Variants in NKAIN3 observed in about 807,000 individuals in gnomAD.
NKAIN3 encodes the protein sodium/potassium transporting ATPase interacting 3.
A neutral mutation model predicts 30.2 loss-of-function variants in NKAIN3; 25 were observed. The ratio of observed to expected loss-of-function variants is 0.83; its 90% CI spans 0.60 to 1.16. The LOEUF is 1.16. Ranked by LOEUF, NKAIN3 falls within the 50% of genes most tolerant of loss-of-function variation. NKAIN3 has a pLI of 0.00. For missense variants in NKAIN3, 225 were observed against 254.1 expected (o/e 0.89, Z 0.78); for synonymous variants, 91 against 89.6 (o/e 1.02, Z -0.09).
intron 3 of NKAIN3, among the ~76,000 whole-genome samples, chr8:62,601,596 G>GA (rs145609323): frequency 0.014 from 2,180 of 152,048 alleles, 57 homozygotes; most frequent in African/African-American, 0.05. Context: ...TGAGCTAAAG[G>GA]AATATTTTTG....
chr8:62,414,264 G>A (rs1804358811), intron 1 of NKAIN3, among the ~76,000 whole-genome samples: 1 of 152,070 alleles, frequency 6.6e-6, no homozygotes, highest in South Asian at 2.1e-4. Flanking sequence ...TGTTATTTCT[G>A]TTTCAATGGG....
At chr8:62,881,458 C>T (rs1022048420) in intron 4 of NKAIN3, among the ~76,000 whole-genome samples, 1 of 152,156 alleles carries the variant, frequency 6.6e-6, no homozygotes, top group African/African-American at 2.4e-5. Flanking sequence ...TACTACTCAA[C>T]TCCAAGATTT....
intron 1 of NKAIN3, among the ~76,000 whole-genome samples, chr8:62,440,759 G>T (rs377274680): frequency 6.6e-6 from 1 of 151,102 alleles, no homozygotes; most frequent in East Asian, 1.9e-4. Flanking sequence ...GTCAATGAAA[G>T]ACCTTGGCAT....
At chr8:62,423,254 T>G (rs927670212) in intron 1 of NKAIN3, among the ~76,000 whole-genome samples, 46 of 152,028 alleles carry the variant, frequency 3.0e-4, no homozygotes, top group African/African-American at 1.0e-3. Flanking sequence ...CTGAATATTT[T>G]AATAGGCAAC....
chr8:62,652,971 G>A (rs1462698336), intron 3 of NKAIN3, among the ~76,000 whole-genome samples: 1 of 152,096 alleles, frequency 6.6e-6, no homozygotes, highest in East Asian at 1.9e-4. Flanking sequence ...AGGAAAGGGG[G>A]AATGTGATTT....
intron 1 of NKAIN3, among the ~76,000 whole-genome samples, chr8:62,256,756 A>G (rs1258264034): frequency 6.6e-6 from 1 of 152,110 alleles, no homozygotes; most frequent in Non-Finnish European, 1.5e-5. Flanking sequence ...CCCTCTTGAC[A>G]TTGCATCTAT....
intron 5 of NKAIN3, among the ~76,000 whole-genome samples, chr8:62,925,388 G>A (rs886783740): frequency 6.6e-5 from 10 of 152,200 alleles, no homozygotes; most frequent in East Asian, 3.9e-4. Context: ...GAAAAAAAAT[G>A]ATTAATTCAT....
intron 1 of NKAIN3, among the ~76,000 whole-genome samples, chr8:62,434,311 C>T (rs192488216): frequency 1.8e-4 from 27 of 152,244 alleles, no homozygotes; most frequent in African/African-American, 5.8e-4. Context: ...AACCTCATTT[C>T]TCCTTCATTC....
intron 2 of NKAIN3, among the ~76,000 whole-genome samples, chr8:62,587,108 T>C (rs1409001427): frequency 2.6e-5 from 4 of 151,980 alleles, no homozygotes; most frequent in Admixed American, 6.6e-5. Context: ...TCTTTGGCCA[T>C]TGGTTATCCC....
At chr8:62,530,999 A>G (rs1808471000) in intron 1 of NKAIN3, among the ~76,000 whole-genome samples, 1 of 152,124 alleles carries the variant, frequency 6.6e-6, no homozygotes, top group Non-Finnish European at 1.5e-5. Flanking sequence ...TAGTCTGTTC[A>G]CATTAAAAAG....
At chr8:62,633,906 A>G (rs1218427889) in intron 3 of NKAIN3, among the ~76,000 whole-genome samples, 1 of 152,144 alleles carries the variant, frequency 6.6e-6, no homozygotes, top group African/African-American at 2.4e-5. Flanking sequence ...CTAAGAGAGT[A>G]CAGCTGATGC....
intron 1 of NKAIN3, among the ~76,000 whole-genome samples, chr8:62,325,083 C>G (rs1335814502): frequency 6.6e-6 from 1 of 151,990 alleles, no homozygotes; most frequent in Non-Finnish European, 1.5e-5. Flanking sequence ...ACCTGTCACC[C>G]AAACCATGTA....
intron 2 of NKAIN3, among the ~76,000 whole-genome samples, chr8:62,586,815 T>C (rs191751624): frequency 6.6e-6 from 1 of 152,164 alleles, no homozygotes; most frequent in East Asian, 1.9e-4. Context: ...TTCATTATTA[T>C]AGGTCTTGTC....
chr8:62,443,549 A>G (rs144513492), intron 1 of NKAIN3, among the ~76,000 whole-genome samples: 10 of 151,686 alleles, frequency 6.6e-5, no homozygotes, highest in East Asian at 5.9e-4. Context: ...ATGCCAGGCT[A>G]ATTTTATATT....
At position 62,700,828 on chromosome 8, in the gene NKAIN3, A is replaced by C. The variant is rs536387405; in HGVS notation, c.274-46104A>C. Among the ~76,000 whole-genome samples, 4 of 152,362 alleles carry C rather than the reference A, an allele frequency of 2.6e-5. No homozygotes were observed. In the South Asian group the frequency reaches 8.3e-4, roughly 32 times the overall value. ...AGACCTTTTGTTTTATGCAAAATAAATTATCATCAGACCATATTTTCTAAG... is the reference window on the plus strand; with the variant it reads ...AGACCTTTTGTTTTATGCAAAATAACTTATCATCAGACCATATTTTCTAAG... On this transcript the variant is annotated intron_variant, in intron 3 of 6. Coordinates refer to ENST00000623646, the MANE Select transcript of NKAIN3 (RefSeq NM_001304533.3).
rs1335700403 is a variant in NKAIN3, at chr8:62,776,280, T to A, written c.471+29151T>A. Among the ~76,000 whole-genome samples, 3 of 152,142 alleles carry A rather than the reference T, an allele frequency of 2.0e-5. 1 individual carries two copies. The highest frequency in any genetic ancestry group is 4.4e-5 in the Non-Finnish European group (3 of 68,010). On this transcript the variant is annotated intron_variant, in intron 4 of 6. Coordinates refer to ENST00000623646, the MANE Select transcript of NKAIN3 (RefSeq NM_001304533.3). ...GATAATTTAGTCTATTTACACTCAA[T>A]GTTATTATGGATAAGTAAGGACTTT... is the stretch of plus-strand genomic sequence containing the variant.
At chr8:62,319,113 A>G (rs1814775560) in intron 1 of NKAIN3, among the ~76,000 whole-genome samples, 1 of 152,122 alleles carries the variant, frequency 6.6e-6, no homozygotes, top group Admixed American at 6.5e-5. Flanking sequence ...TTTCTAGTTT[A>G]TTTGTGTAGA....
rs761094255 is a variant in NKAIN3 at position 62,977,512 on chromosome 8, T to C, written c.*12105T>C. 1.6e-4 allele frequency among the ~76,000 whole-genome samples: 25 copies of C among 152,016 alleles called. No homozygotes were observed. The highest frequency in any genetic ancestry group is 1.8e-4 in the Non-Finnish European group (12 of 68,024). ...GCTATTGATACTTGTGTATGCTTCA[T>C]GAAGTTCTCGTGCTGTGTTTTTCAG... is the stretch of plus-strand genomic sequence containing the variant. On this transcript the variant is annotated 3_prime_UTR_variant, in exon 7 of 7. Coordinates refer to ENST00000623646, the MANE Select transcript of NKAIN3 (RefSeq NM_001304533.3).
chr8:62,805,582 G>A (rs2130703430), intron 4 of NKAIN3, among the ~76,000 whole-genome samples: 3 of 152,186 alleles, frequency 2.0e-5, no homozygotes, highest in Non-Finnish European at 4.4e-5. Context: ...ATGGTGCTGG[G>A]AAAACTGGCT....
Sources: gnomAD v4.1 joint callset for allele counts (sites outside exome capture counted in the v4.1 genomes callset) on GRCh38, gnomAD v4.1.1 for gene constraint, MANE v1.5 for transcripts, NCBI Gene and HGNC (gene_info 2026-07-23, HGNC 2026-07-21) for gene names.